ATRN: variants seen among roughly 807,000 people sequenced by gnomAD.
ATRN encodes attractin-2.
Under a neutral mutation model 178.7 loss-of-function variants are expected in ATRN, and 54 were observed. The ratio of observed to expected loss-of-function variants is 0.30; its 90% CI spans 0.24 to 0.38. The LOEUF (loss-of-function observed/expected upper bound fraction) is 0.38. ATRN is among the 10% of genes least tolerant of loss of function. The pLI, the probability that ATRN is intolerant of heterozygous loss-of-function variation, is 1.00. For synonymous variants in ATRN, 636 were observed against 663.0 expected, an observed-to-expected ratio of 0.96 and a Z score of 0.63; for missense variants, 1,443 against 1,815.1, an observed-to-expected ratio of 0.79 and a Z score of 3.73.
At chr20:3,583,815 A>T in intron 16 of ATRN, 83 bp from the exon 17 acceptor site, 1 of 1,417,006 alleles carries the variant, frequency 7.1e-7, no homozygotes. Flanking sequence ...TCAAAAAAAA[A>T]AAAGAAAAGA....
intron 6 of ATRN, among the ~76,000 whole-genome samples, chr20:3,550,851 A>C (rs1414958653): frequency 6.6e-6 from 1 of 152,130 alleles, no homozygotes; most frequent in Non-Finnish European, 1.5e-5. Flanking sequence ...ACCCAGAGGA[A>C]GCCCCAGAGT....
chr20:3,489,859 G>GAA (rs2084759835), intron 1 of ATRN: 1 of 1,273,272 alleles, frequency 7.9e-7, no homozygotes, highest in South Asian at 1.2e-5. Flanking sequence ...AGCCAGTAGG[G>GAA]AATGCGTTTG....
rs761060489 is a variant in ATRN, at chr20:3,471,356, CGCGGCGGCG to C, written c.260_268del (p.Ala87_Ala89del). ...TGCTGCTGCCCTGTGAGGCCGAGGC[CGCGGCGGCG>C]GCGGCGGCGGTGTCGGGCTCAGCCG... On this transcript the variant is annotated inframe_deletion, in exon 1 of 29. Transcript: ENST00000262919. The C allele has an allele frequency of 4.0e-6, 6 of 1,482,106 alleles. No homozygotes were observed. The highest frequency in any genetic ancestry group is 2.9e-5 in the East Asian group (1 of 34,948). 91.8% of individuals were successfully genotyped at this position (1,482,106 alleles called of 1,614,324 possible).
chr20:3,567,947 T>G (rs1188976300), intron 11 of ATRN, among the ~76,000 whole-genome samples: 1 of 152,152 alleles, frequency 6.6e-6, no homozygotes, highest in Admixed American at 6.5e-5. Flanking sequence ...AATTAACTAG[T>G]TGAATCTAGC....
intron 1 of ATRN, among the ~76,000 whole-genome samples, chr20:3,534,034 A>C (rs745934791): frequency 6.6e-6 from 1 of 152,190 alleles, no homozygotes; most frequent in Non-Finnish European, 1.5e-5. Context: ...GGCTTCGACT[A>C]ACATTTTGGG....
chr20:3,614,716 C>T (rs562597154), intron 24 of ATRN, among the ~76,000 whole-genome samples: 2 of 152,130 alleles, frequency 1.3e-5, no homozygotes, highest in African/African-American at 2.4e-5. Flanking sequence ...TTCACAGAAG[C>T]GTGCAGCCAC....
At chr20:3,540,608 T>C (rs149281673) in intron 3 of ATRN, among the ~76,000 whole-genome samples, 108 of 152,310 alleles carry the variant, frequency 7.1e-4, no homozygotes, top group African/African-American at 2.4e-3. Context: ...CTGCTCCTTG[T>C]GGTGGTGGTG....
At chr20:3,620,322 G>A (rs28603052) in intron 24 of ATRN, among the ~76,000 whole-genome samples, 2,871 of 152,158 alleles carry the variant, frequency 0.019, 33 homozygotes, top group African/African-American at 0.039. Flanking sequence ...TTGGCTTACC[G>A]CAACCTCTCC....
intron 1 of ATRN, among the ~76,000 whole-genome samples, chr20:3,495,626 A>T (rs1030038771): frequency 6.6e-6 from 1 of 152,174 alleles, no homozygotes; most frequent in African/African-American, 2.4e-5. Flanking sequence ...ACAAAATTCA[A>T]TAGCAGTTCA....
At chr20:3,602,688 G>A (rs1035534806) in intron 23 of ATRN, among the ~76,000 whole-genome samples, 3 of 152,066 alleles carry the variant, frequency 2.0e-5, no homozygotes, top group Non-Finnish European at 2.9e-5. Flanking sequence ...GCAATGAGCC[G>A]GGCGGTGGCT....
At chr20:3,571,220 G>A (rs2086118471) in intron 11 of ATRN, among the ~76,000 whole-genome samples, 1 of 152,116 alleles carries the variant, frequency 6.6e-6, no homozygotes, top group African/African-American at 2.4e-5. Context: ...TTTATGCCTA[G>A]TGTTCCATTA....
At chr20:3,513,377 A>G (rs556175424) in intron 1 of ATRN, among the ~76,000 whole-genome samples, 114 of 152,274 alleles carry the variant, frequency 7.5e-4, no homozygotes, top group African/African-American at 2.2e-3. Context: ...TCCTTTCCCC[A>G]TTTCTTGTTT....
At chr20:3,627,301 A>G (rs907355150) in intron 25 of ATRN, among the ~76,000 whole-genome samples, 1 of 152,176 alleles carries the variant, frequency 6.6e-6, no homozygotes, top group Non-Finnish European at 1.5e-5. Context: ...CTAGGGGTGC[A>G]CCCCAAACAT....
intron 18 of ATRN, among the ~76,000 whole-genome samples, chr20:3,589,292 C>T (rs2086405456): frequency 6.6e-6 from 1 of 151,980 alleles, no homozygotes. Context: ...GCCACCACGC[C>T]CGGCCAGTTC....
At chr20:3,644,096 T>C (rs2087089454) in intron 27 of ATRN, 58 bp from the exon 28 acceptor site, 1 of 1,284,580 alleles carries the variant, frequency 7.8e-7, no homozygotes, top group Non-Finnish European at 1.1e-6. Flanking sequence ...ACCGTTAAGT[T>C]GTCCGTATAC....
In ATRN at chr20:3,503,814, A is replaced by G. The variant is rs6133046; in HGVS notation, c.411-31439A>G. Reference sequence around the variant, plus strand: ...GTGTTTGAAAGAAATAATAGTGGAAATCTTACCACCTTTGGCAAAAGAAAC... The same window carrying G: ...GTGTTTGAAAGAAATAATAGTGGAAGTCTTACCACCTTTGGCAAAAGAAAC... On this transcript the variant is annotated intron_variant, in intron 1 of 28. Transcript: ENST00000262919. Among the ~76,000 whole-genome samples, 3,130 of 152,278 alleles carry G rather than the reference A, an allele frequency of 0.021. 209 individuals carry two copies. The East Asian group carries it at 0.22, about 11-fold the overall frequency.
chr20:3,584,668 G>A lies in ATRN; in HGVS notation c.2972G>A (p.Cys991Tyr). 1 of 1,613,698 alleles carries A rather than the reference G, an allele frequency of 6.2e-7. No homozygotes were observed. The highest frequency in any genetic ancestry group is 2.2e-5 in the East Asian group (1 of 44,874). The change falls in exon 18 of 29, where the codon TGT becomes TAT. Residue 991 changes from cysteine to tyrosine, a missense_variant. Cys to Tyr is a radical substitution (Grantham distance 194). Transcript: ENST00000262919. ...TCPPENCSGY[C>Y]TCSHCLEQPG... ...ATAGCTGAAAATTGTTCAGGCTACT[G>A]TACCTGTAGTCATTGCTTGGAGCAA...
chr20:3,591,099 A>G, intron 18 of ATRN, 70 bp from the exon 19 acceptor site: 2 of 1,409,490 alleles, frequency 1.4e-6, no homozygotes, highest in Admixed American at 2.4e-5. Flanking sequence ...AGTTGCAGAT[A>G]AATCTTATTG....
At chr20:3,541,319 C>T (rs369710916) in intron 3 of ATRN, among the ~76,000 whole-genome samples, 6 of 151,976 alleles carry the variant, frequency 3.9e-5, no homozygotes, top group Non-Finnish European at 5.9e-5. Context: ...CCTCGTGATC[C>T]GCCCGCCTCG....
Sources: gnomAD v4.1 joint callset for allele counts (sites outside exome capture counted in the v4.1 genomes callset) on GRCh38, gnomAD v4.1.1 for gene constraint, MANE v1.5 for transcripts, NCBI Gene and HGNC (gene_info 2026-07-23, HGNC 2026-07-21) for gene names.